Variants in STARD3 observed in about 807,000 individuals in gnomAD.
STARD3 encodes stAR-related lipid transfer protein 3.
A neutral mutation model predicts 62.0 loss-of-function variants in STARD3; 39 were observed. That is an observed-to-expected ratio of 0.63 (90% CI 0.49 to 0.82). The LOEUF is 0.82. Among genes scored for constraint, STARD3 ranks in the 40% least tolerant of loss-of-function variants. STARD3 has a pLI of 0.00. For missense variants in STARD3, 543 were observed against 584.5 expected, an observed-to-expected ratio of 0.93 and a Z score of 0.73; for synonymous variants, 229 against 242.4, an observed-to-expected ratio of 0.94 and a Z score of 0.51.
At chr17:39,661,617 C>T (rs944139221) in intron 13 of STARD3, among the ~76,000 whole-genome samples, 11 of 152,172 alleles carry the variant, frequency 7.2e-5, no homozygotes, top group Admixed American at 3.3e-4. Flanking sequence ...TGTGGTGCTG[C>T]GGGTGGCCCC....
chr17:39,638,532 T>C (rs1244634077), intron 1 of STARD3, among the ~76,000 whole-genome samples: 1 of 152,054 alleles, frequency 6.6e-6, no homozygotes, highest in African/African-American at 2.4e-5. Context: ...ACCTCCTCCT[T>C]CTCTTGTCTG....
chr17:39,657,884 C>T, intron 4 of STARD3, 32 bp downstream of exon 4: 2 of 1,613,922 alleles, frequency 1.2e-6, no homozygotes, highest in Non-Finnish European at 8.5e-7. Flanking sequence ...AGCTTCTGGG[C>T]CCTGGCAGGG....
chr17:39,645,183 C>T (rs1023944226), intron 1 of STARD3, among the ~76,000 whole-genome samples: 1 of 152,176 alleles, frequency 6.6e-6, no homozygotes, highest in Non-Finnish European at 1.5e-5. Flanking sequence ...GAGTAGAGAT[C>T]AGCCCCTGCA....
chr17:39,656,816 A>C, intron 2 of STARD3, 192 bp from the exon 3 acceptor site: 1 of 584,968 alleles, frequency 1.7e-6, no homozygotes, highest in Non-Finnish European at 3.0e-6. Flanking sequence ...GAGGACTGGT[A>C]TTGGTGCCTG....
At chr17:39,644,734 C>T (rs2057009955) in intron 1 of STARD3, among the ~76,000 whole-genome samples, 1 of 151,494 alleles carries the variant, frequency 6.6e-6, no homozygotes, top group African/African-American at 2.4e-5. Context: ...GTGGCATCTG[C>T]CTGTAGTCCC....
intron 14 of STARD3, chr17:39,662,564 C>A: frequency 1.6e-6 from 1 of 629,152 alleles, no homozygotes. Context: ...AGTCCTGAGG[C>A]CCTGAGGAAG....
intron 1 of STARD3, among the ~76,000 whole-genome samples, chr17:39,647,715 C>T (rs1327476217): frequency 1.3e-5 from 2 of 152,186 alleles, no homozygotes; most frequent in African/African-American, 4.8e-5. Flanking sequence ...CAGGGTGATG[C>T]TGGAGTTTGA....
intron 8 of STARD3, 100 bp downstream of exon 8, chr17:39,659,206 G>A: frequency 6.8e-7 from 1 of 1,476,588 alleles, no homozygotes; most frequent in Non-Finnish European, 9.4e-7. Context: ...TCCCAGTAGA[G>A]GCTGAACCTC....
intron 3 of STARD3, among the ~76,000 whole-genome samples, chr17:39,657,472 A>G (rs1567859509): frequency 6.6e-6 from 1 of 151,556 alleles, no homozygotes; most frequent in Non-Finnish European, 1.5e-5. Context: ...GGTTGCAGTG[A>G]GCTGAGACCG....
At chr17:39,659,309 T>C in intron 8 of STARD3, 152 bp from the exon 9 acceptor site, 1 of 974,612 alleles carries the variant, frequency 1.0e-6, no homozygotes, top group Non-Finnish European at 1.5e-6. Flanking sequence ...GCCACAAGCC[T>C]GCAGGGCCCA....
At position 39,660,008 on chromosome 17, in the gene STARD3, C is replaced by A; in HGVS notation, c.796-203C>A. ...CTGCAGCTGTCCCCCCGTCTTTTAA[C>A]TCGACATCAAAAGCCTCTCTCCTGC... is the stretch of plus-strand genomic sequence containing the variant. On this transcript the variant is annotated intron_variant, in intron 9 of 14. Transcript: ENST00000336308. This position sits in a 1 kb window ranked among gnomAD's most constrained non-coding sequence, Gnocchi z 4.8. 1.7e-6 allele frequency: 1 copy of A among 598,454 alleles called. No homozygotes were observed. Among genetic ancestry groups the A allele is most frequent in the Non-Finnish European group, 3.0e-6 (1 of 337,034 alleles). The allele number at this position is 598,454 out of a possible 1,614,324, so 37.1% of individuals were successfully genotyped here.
intron 1 of STARD3, chr17:39,652,612 C>T (rs1216720491): frequency 6.6e-6 from 1 of 152,136 alleles, no homozygotes; most frequent in Admixed American, 6.6e-5. Flanking sequence ...GATCGAAGGT[C>T]CCAAGGCAGG....
chr17:39,659,494 A>G lies in STARD3; in HGVS notation c.736A>G (p.Thr246Ala). 1.2e-6 allele frequency: 2 copies of G among 1,614,162 alleles called. No individual in the cohort carries two copies. The highest frequency in any genetic ancestry group is 1.7e-6 in the Non-Finnish European group (2 of 1,180,018). ...REYIRQGKEA[T>A]AVVDQILAQE... ...GTACATCCGCCAGGGGAAGGAGGCC[A>G]CGGCAGTGGTGGACCAGATCTTGGC... is the stretch of plus-strand genomic sequence containing the variant. Residue 246 changes from threonine (T) to alanine (A), a missense_variant, in exon 9 of 15, where the codon ACG becomes GCG. Transcript: ENST00000336308.
intron 9 of STARD3, chr17:39,659,824 T>C: frequency 2.1e-6 from 1 of 483,510 alleles, no homozygotes; most frequent in Non-Finnish European, 3.7e-6. Flanking sequence ...GCCAGGCTTC[T>C]GCTCTGCATC....
Position 39,660,755 on chromosome 17 carries a change from C to A in STARD3, c.955-55C>A, listed in dbSNP as rs1339012256. ...GTAAAGGGGCCTGGGGTGTTCCCAT[C>A]CCTGGGGTTTTCCTGGGGCGACCTG... On this transcript the variant is annotated intron_variant, in intron 11 of 14. Transcript: ENST00000336308. The surrounding 1 kb of genome is among the most constrained non-coding windows in gnomAD (Gnocchi z 4.8). The A allele has an allele frequency of 6.5e-7, 1 of 1,536,762 alleles. No individual in the cohort carries two copies. Among genetic ancestry groups the A allele is most frequent in the South Asian group, 1.3e-5 (1 of 78,244 alleles).
chr17:39,641,505 A>G (rs1567853347), intron 1 of STARD3, among the ~76,000 whole-genome samples: 1 of 151,422 alleles, frequency 6.6e-6, no homozygotes, highest in Non-Finnish European at 1.5e-5. Flanking sequence ...GCCAGGGTCT[A>G]CCCTTCCATT....
At chr17:39,654,770 G>A (rs75452879) in intron 2 of STARD3, among the ~76,000 whole-genome samples, 6,001 of 152,306 alleles carry the variant, frequency 0.039, 190 homozygotes, top group African/African-American at 0.086. Flanking sequence ...GATGGCAAGG[G>A]CCCTTCCTCC....
chr17:39,658,666 C>A (rs749459145), intron 6 of STARD3, 56 bp from the exon 7 acceptor site: 30 of 1,605,996 alleles, frequency 1.9e-5, no homozygotes, highest in East Asian at 1.1e-4. Flanking sequence ...GGTGGGGGTA[C>A]CCCAGGCTGC....
At position 39,659,201 on chromosome 17, in the gene STARD3, G is replaced by C. The variant is rs1597799278; in HGVS notation, c.702+95G>C. ...AGCCGGGGTGGGCAGGGGTTTCCCA[G>C]TAGAGGCTGAACCTCGGGCAATGCC... On this transcript the variant is annotated intron_variant, in intron 8 of 14. Coordinates refer to ENST00000336308, the MANE Select transcript of STARD3 (RefSeq NM_006804.4). 1.5e-5 allele frequency: 22 copies of C among 1,512,976 alleles called. No homozygotes were observed. The South Asian group carries it at 2.2e-4, about 15-fold the overall frequency. The allele number at this position is 1,512,976 out of a possible 1,614,324, so 93.7% of individuals were successfully genotyped here. A position where few individuals can be genotyped will look rare whatever the true frequency, so the allele number is the denominator to read the frequency against.
Sources: gnomAD v4.1 joint callset for allele counts (sites outside exome capture counted in the v4.1 genomes callset) on GRCh38, gnomAD v4.1.1 for gene constraint, Gnocchi (gnomAD v3.1) non-coding constraint, MANE v1.5 for transcripts, NCBI Gene and HGNC (gene_info 2026-07-23, HGNC 2026-07-21) for gene names.